FARP1: variants seen among roughly 807,000 people sequenced by gnomAD.
The protein encoded by FARP1 is FERM, ARH/RhoGEF and pleckstrin domain protein 1.
Under a neutral mutation model 128.8 loss-of-function variants are expected in FARP1, and 52 were observed. The observed-to-expected ratio is 0.40, with a 90% CI of 0.32 to 0.51. The LOEUF is 0.51. FARP1 is among the 20% of genes least tolerant of loss of function. The pLI, the probability that FARP1 is intolerant of heterozygous loss-of-function variation, is 0.45. For synonymous variants in FARP1, 580 were observed against 551.8 expected, an observed-to-expected ratio of 1.05 and a Z score of -0.72; for missense variants, 1,333 against 1,367.9, an observed-to-expected ratio of 0.97 and a Z score of 0.40.
intron 24 of FARP1, among the ~76,000 whole-genome samples, chr13:98,443,775 C>CT (rs1305499326): frequency 1.3e-5 from 2 of 152,224 alleles, no homozygotes; most frequent in South Asian, 2.1e-4. Flanking sequence ...TGCAAGTTGT[C>CT]TTTTAAGGCT....
rs540411302 is a variant in FARP1, at chr13:98,244,249, ACCCC to A, written c.171+30837_171+30840del. Reference sequence around the variant, plus strand: ...GGTTTTCCCAGCAAACACCCTTTCTACCCCACTTCCTAGCTTTATTGAGATATAT... The same window carrying A: ...GGTTTTCCCAGCAAACACCCTTTCTAACTTCCTAGCTTTATTGAGATATAT... On this transcript the variant is annotated intron_variant, in intron 2 of 26. Coordinates refer to ENST00000319562, the MANE Select transcript of FARP1 (RefSeq NM_005766.4). Among the ~76,000 whole-genome samples, 195 of 152,232 alleles carry A rather than the reference ACCCC, an allele frequency of 1.3e-3. 1 individual carries two copies. Among genetic ancestry groups the A allele is most frequent in the African/African-American group, 4.4e-3 (183 of 41,546 alleles).
chr13:98,368,907 C>T (rs1728754364), intron 5 of FARP1, among the ~76,000 whole-genome samples: 2 of 150,700 alleles, frequency 1.3e-5, no homozygotes, highest in Admixed American at 6.7e-5. Flanking sequence ...CACATCATCA[C>T]TTCTACTCAT....
intron 2 of FARP1, among the ~76,000 whole-genome samples, chr13:98,303,583 T>G (rs1424524079): frequency 1.3e-5 from 2 of 152,234 alleles, no homozygotes; most frequent in Non-Finnish European, 2.9e-5. Flanking sequence ...TCTCTGAACC[T>G]ACGCCCTTAG....
intron 22 of FARP1, 24 bp from the exon 23 acceptor site, chr13:98,440,099 C>T: frequency 1.9e-6 from 3 of 1,609,830 alleles, no homozygotes; most frequent in Non-Finnish European, 2.6e-6. Flanking sequence ...GTGGCCTGAA[C>T]ACCTGACGCG....
intron 13 of FARP1, chr13:98,396,959 C>G (rs1166574767): frequency 6.5e-6 from 1 of 152,840 alleles, no homozygotes; most frequent in Non-Finnish European, 1.5e-5. Flanking sequence ...CTGCTTTGTC[C>G]ATGCCTCATG....
chr13:98,345,354 T>G (rs148506608), intron 3 of FARP1: 1 of 148,882 alleles, frequency 6.7e-6, no homozygotes, highest in Non-Finnish European at 1.5e-5. Context: ...TTTCCCCATG[T>G]CTGAATCTAC....
intron 1 of FARP1, among the ~76,000 whole-genome samples, chr13:98,148,804 T>C (rs1875760503): frequency 6.6e-6 from 1 of 152,240 alleles, no homozygotes; most frequent in South Asian, 2.1e-4. Context: ...TTGTAACTAG[T>C]CTGCCTTTTC....
At chr13:98,200,293 T>C (rs993645185) in intron 1 of FARP1, among the ~76,000 whole-genome samples, 2 of 152,082 alleles carry the variant, frequency 1.3e-5, no homozygotes, top group Non-Finnish European at 2.9e-5. Context: ...CAACTGTCAT[T>C]TTAGCTAATC....
At chr13:98,371,234 T>C (rs1375046370) in intron 5 of FARP1, among the ~76,000 whole-genome samples, 2 of 122,244 alleles carry the variant, frequency 1.6e-5, no homozygotes, top group Admixed American at 8.3e-5. Context: ...TTTTTTTTTT[T>C]CATTAAAAAT....
At chr13:98,398,211 C>T (rs1230427149) in intron 13 of FARP1, 2 of 152,250 alleles carry the variant, frequency 1.3e-5, no homozygotes, top group East Asian at 3.9e-4. Context: ...TTTATACAGA[C>T]TTTTTTTGTT....
chr13:98,419,765 A>G (rs950034980), intron 16 of FARP1, among the ~76,000 whole-genome samples: 1 of 152,108 alleles, frequency 6.6e-6, no homozygotes, highest in Non-Finnish European at 1.5e-5. Flanking sequence ...AAAAAGATCT[A>G]TTTTCGGGGT....
At chr13:98,228,804 C>G (rs1395157219) in intron 2 of FARP1, among the ~76,000 whole-genome samples, 1 of 152,124 alleles carries the variant, frequency 6.6e-6, no homozygotes, top group Non-Finnish European at 1.5e-5. Flanking sequence ...GGTTTCTAGG[C>G]TATCCGATGA....
chr13:98,266,669 C>G (rs1246211170), intron 2 of FARP1, among the ~76,000 whole-genome samples: 1 of 152,058 alleles, frequency 6.6e-6, no homozygotes, highest in Admixed American at 6.6e-5. Context: ...AAAAAACAAC[C>G]CCAAGATGTT....
chr13:98,288,146 A>G (rs1263784045), intron 2 of FARP1, among the ~76,000 whole-genome samples: 2 of 152,166 alleles, frequency 1.3e-5, no homozygotes, highest in African/African-American at 2.4e-5. Flanking sequence ...AACAAAACCC[A>G]TGCAGTCCCT....
At chr13:98,150,125 G>A (rs1875886314) in intron 1 of FARP1, among the ~76,000 whole-genome samples, 1 of 151,800 alleles carries the variant, frequency 6.6e-6, no homozygotes, top group Admixed American at 6.6e-5. Flanking sequence ...TGCAACCTCT[G>A]CCTCCCAGGT....
intron 2 of FARP1, among the ~76,000 whole-genome samples, chr13:98,282,364 C>G (rs1270573981): frequency 6.6e-6 from 1 of 152,048 alleles, no homozygotes; most frequent in African/African-American, 2.4e-5. Flanking sequence ...GTTATTGTTC[C>G]TAGGACATAG....
In FARP1 at chr13:98,449,427, C is replaced by A. The variant is rs1327728710; in HGVS notation, c.*1110C>A. Reference sequence around the variant, plus strand: ...GCTTTGGCCCCTACTCGGGAAACGTCTGCCTGTTCTCGATGGTGATGGGGT... The same window carrying A: ...GCTTTGGCCCCTACTCGGGAAACGTATGCCTGTTCTCGATGGTGATGGGGT... On this transcript the variant is annotated 3_prime_UTR_variant, in exon 27 of 27. Coordinates refer to ENST00000319562, the MANE Select transcript of FARP1 (RefSeq NM_005766.4). 6.6e-6 allele frequency: 1 copy of A among 152,192 alleles called. No homozygotes were observed. Among genetic ancestry groups the A allele is most frequent in the Non-Finnish European group, 1.5e-5 (1 of 68,046 alleles). 9.4% of individuals were successfully genotyped at this position (152,192 alleles called of 1,614,324 possible). A position where few individuals can be genotyped will look rare whatever the true frequency, so the allele number is the denominator to read the frequency against.
chr13:98,327,439 GTTTAC>G (rs1053473594), intron 2 of FARP1, among the ~76,000 whole-genome samples: 1 of 152,142 alleles, frequency 6.6e-6, no homozygotes, highest in African/African-American at 2.4e-5. Context: ...TGTTAGGATG[GTTTAC>G]TTTAAGATAA....
chr13:98,391,986 C>T (rs1164986640), intron 11 of FARP1, among the ~76,000 whole-genome samples: 2 of 152,214 alleles, frequency 1.3e-5, no homozygotes, highest in Non-Finnish European at 2.9e-5. Context: ...ATTCCTACTA[C>T]TTAGAATTAA....
Sources: allele counts gnomAD v4.1 joint callset (sites outside exome capture counted in the v4.1 genomes callset), GRCh38; gene constraint gnomAD v4.1.1; transcripts MANE v1.5; gene names NCBI Gene and HGNC (gene_info 2026-07-23, HGNC 2026-07-21).